NCOR1: variants seen among roughly 807,000 people sequenced by gnomAD.
The protein encoded by NCOR1 is protein phosphatase 1, regulatory subunit 109.
Under a neutral mutation model 288.1 loss-of-function variants are expected in NCOR1, and 63 were observed. That is an observed-to-expected ratio of 0.22 (90% confidence interval 0.18 to 0.27). NCOR1 has a LOEUF of 0.27. NCOR1 is among the 10% of genes least tolerant of loss of function. The pLI, the probability that NCOR1 is intolerant of heterozygous loss-of-function variation, is 1.00. For missense variants in NCOR1, 2,397 were observed against 3,019.2 expected (o/e 0.79, Z 4.83); for synonymous variants, 1,007 against 1,065.9 (o/e 0.94, Z 1.08).
At chr17:16,144,619 T>C (rs1431185646) in intron 10 of NCOR1, among the ~76,000 whole-genome samples, 4 of 151,988 alleles carry the variant, frequency 2.6e-5, no homozygotes, top group East Asian at 1.9e-4. Flanking sequence ...CACCTTCTAA[T>C]AGGCCCCAGT....
At position 16,070,292 on chromosome 17, in the gene NCOR1, T is replaced by C. The variant is rs750161649; in HGVS notation, c.4386A>G (p.Thr1462=). 5.0e-6 allele frequency: 8 copies of C among 1,614,104 alleles called. No individual in the cohort carries two copies. Among genetic ancestry groups the C allele is most frequent in the Admixed American group, 1.7e-5 (1 of 60,012 alleles). The part of the protein sequence containing the change: ...VSSGPSVLRS[T]LHEAPKAQLS... ...GTTGTGCTTTGGGAGCTTCATGCAG[T>C]GTGGACCTAAGAACGGAGGGGCCAG... Residue 1462 remains threonine, a synonymous_variant, in exon 31 of 46, where the codon ACA becomes ACG. Coordinates refer to ENST00000268712, the MANE Select transcript of NCOR1 (RefSeq NM_006311.4).
intron 22 of NCOR1, among the ~76,000 whole-genome samples, chr17:16,089,687 T>C (rs1402625034): frequency 6.6e-6 from 1 of 152,164 alleles, no homozygotes; most frequent in Non-Finnish European, 1.5e-5. Context: ...ATACTATCAC[T>C]ATTCTTCACA....
intron 24 of NCOR1, 27 bp downstream of exon 24, chr17:16,080,580 G>T: frequency 6.2e-7 from 1 of 1,614,074 alleles, no homozygotes; most frequent in East Asian, 2.2e-5. Context: ...AAACGTAGAT[G>T]CATTATGACT....
intron 33 of NCOR1, among the ~76,000 whole-genome samples, chr17:16,065,247 T>A (rs1053330729): frequency 2.0e-5 from 3 of 152,186 alleles, no homozygotes; most frequent in African/African-American, 7.2e-5. Context: ...GAGAGCAAAT[T>A]TGTAAGCCAT....
chr17:16,040,903 A>C (rs1370973025), intron 42 of NCOR1: 2 of 182,960 alleles, frequency 1.1e-5, no homozygotes, highest in Non-Finnish European at 2.3e-5. Flanking sequence ...AAAAAGAAGC[A>C]GTGTAACCCA....
intron 42 of NCOR1, among the ~76,000 whole-genome samples, chr17:16,043,374 T>C (rs2058086129): frequency 6.6e-6 from 1 of 152,078 alleles, no homozygotes; most frequent in Non-Finnish European, 1.5e-5. Flanking sequence ...ATATAAATTC[T>C]CCTTTCCACC....
At chr17:16,046,846 T>C (rs1441603649) in intron 42 of NCOR1, 105 bp downstream of exon 42, 3 of 1,307,854 alleles carry the variant, frequency 2.3e-6, no homozygotes, top group Non-Finnish European at 3.2e-6. Flanking sequence ...TGGACAGATG[T>C]CCTGTAAAGA....
chr17:16,146,306 A>AT (rs2153347207), intron 10 of NCOR1, 70 bp downstream of exon 10: 10 of 1,447,650 alleles, frequency 6.9e-6, no homozygotes, highest in Non-Finnish European at 9.2e-6. Flanking sequence ...TACTAAAAAA[A>AT]TTTTTAAAAA....
chr17:16,087,422 C>T (rs1466834800), intron 22 of NCOR1: 1 of 952,188 alleles, frequency 1.1e-6, no homozygotes, highest in Non-Finnish European at 1.5e-6. Flanking sequence ...CAAGCCCACA[C>T]CATCCAGGGG....
chr17:16,098,217 T>C (rs2066985856), intron 21 of NCOR1, 150 bp downstream of exon 21: 3 of 743,930 alleles, frequency 4.0e-6, no homozygotes, highest in Non-Finnish European at 6.5e-6. Context: ...GAGTGAACTG[T>C]ATACTTAGAA....
chr17:16,142,315 T>G (rs1349557462), intron 11 of NCOR1, among the ~76,000 whole-genome samples: 1 of 152,226 alleles, frequency 6.6e-6, no homozygotes, highest in Non-Finnish European at 1.5e-5. Flanking sequence ...GTATTAACTG[T>G]ATATTTAAGT....
At chr17:16,080,256 G>A in intron 25 of NCOR1, 152 bp downstream of exon 25, 8 of 828,598 alleles carry the variant, frequency 9.7e-6, no homozygotes, top group Non-Finnish European at 1.5e-5. Context: ...GGAACTTCAA[G>A]GTTTTAAAAT....
chr17:16,066,393 C>T (rs1330498913), intron 32 of NCOR1, among the ~76,000 whole-genome samples: 2 of 152,082 alleles, frequency 1.3e-5, no homozygotes, highest in Non-Finnish European at 2.9e-5. Flanking sequence ...GAGAATGACA[C>T]AAGACACAAG....
At chr17:16,145,374 G>A (rs2077749184) in intron 10 of NCOR1, among the ~76,000 whole-genome samples, 1 of 150,658 alleles carries the variant, frequency 6.6e-6, no homozygotes, top group South Asian at 2.1e-4. Flanking sequence ...TCTGGGATGT[G>A]GGGAGTGCCT....
chr17:16,199,878 A>G (rs1275072687), intron 1 of NCOR1, among the ~76,000 whole-genome samples: 1 of 152,214 alleles, frequency 6.6e-6, no homozygotes, highest in African/African-American at 2.4e-5. Flanking sequence ...CTGTCATAAA[A>G]GACAACAGCA....
At chr17:16,178,246 T>C (rs2084638317) in intron 3 of NCOR1, among the ~76,000 whole-genome samples, 1 of 151,458 alleles carries the variant, frequency 6.6e-6, no homozygotes, top group Non-Finnish European at 1.5e-5. Flanking sequence ...ATGCCTGTAA[T>C]CCCAGCACTT....
Position 16,214,105 on chromosome 17 carries a change from T to TG in NCOR1, c.-71+1256dup, listed in dbSNP as rs529142510. 3.3e-5 allele frequency among the ~76,000 whole-genome samples: 5 copies of TG among 152,310 alleles called. No individual in the cohort carries two copies. In the South Asian group the frequency reaches 1.0e-3, roughly 32 times the overall value. On this transcript the variant is annotated intron_variant, in intron 1 of 45. Transcript: ENST00000268712. ...TACAAGATTTCTCTCTCCAGTAACT[T>TG]GCGGTTACTTCTTCTGTAATTGTTA...
chr17:16,214,866 C>G (rs2092418341), intron 1 of NCOR1, among the ~76,000 whole-genome samples: 1 of 152,242 alleles, frequency 6.6e-6, no homozygotes, highest in African/African-American at 2.4e-5. Flanking sequence ...TTCGCCATTA[C>G]ACCCTGAAGC....
intron 14 of NCOR1, among the ~76,000 whole-genome samples, chr17:16,127,627 A>C (rs1425326837): frequency 6.8e-6 from 1 of 146,782 alleles, no homozygotes; most frequent in Admixed American, 6.8e-5. Flanking sequence ...GTGTATATAT[A>C]CATATATGTA....
Sources: gnomAD v4.1 joint callset for allele counts (sites outside exome capture counted in the v4.1 genomes callset) on GRCh38, gnomAD v4.1.1 for gene constraint, MANE v1.5 for transcripts, NCBI Gene and HGNC (gene_info 2026-07-23, HGNC 2026-07-21) for gene names.